P2RX3: variants seen among roughly 807,000 people sequenced by gnomAD.
P2RX3 encodes P2X purinoceptor 3.
A neutral mutation model predicts 51.5 loss-of-function variants in P2RX3; 41 were observed. That is an observed-to-expected ratio of 0.80 (90% CI 0.62 to 1.03). P2RX3 has a LOEUF of 1.03. Ranked by LOEUF, P2RX3 falls within the 50% of genes least tolerant of loss-of-function variation. P2RX3 has a pLI of 0.00. For missense variants in P2RX3, 459 were observed against 522.1 expected, an observed-to-expected ratio of 0.88 and a Z score of 1.18; for synonymous variants, 185 against 191.6, an observed-to-expected ratio of 0.97 and a Z score of 0.29.
chr11:57,347,569 C>T, intron 4 of P2RX3, 91 bp downstream of exon 4: 2 of 1,353,290 alleles, frequency 1.5e-6, no homozygotes, highest in Non-Finnish European at 2.1e-6. Flanking sequence ...TGGGAACCAG[C>T]CTGTTCCATG....
At chr11:57,343,049 C>T (rs529122460) in intron 1 of P2RX3, among the ~76,000 whole-genome samples, 23 of 152,314 alleles carry the variant, frequency 1.5e-4, no homozygotes, top group Non-Finnish European at 3.1e-4. Context: ...AGGCTCAGGC[C>T]TGCCCTAGCT....
At chr11:57,362,177 A>G (rs1351799448) in intron 8 of P2RX3, among the ~76,000 whole-genome samples, 1 of 152,232 alleles carries the variant, frequency 6.6e-6, no homozygotes, top group Non-Finnish European at 1.5e-5. Context: ...CAGCATGGGC[A>G]AAAGCATAGA....
intron 8 of P2RX3, among the ~76,000 whole-genome samples, chr11:57,357,099 A>G (rs1856642546): frequency 6.6e-6 from 1 of 152,158 alleles, no homozygotes; most frequent in Non-Finnish European, 1.5e-5. Flanking sequence ...CGGGCAGATC[A>G]CGAGTTCAGG....
Position 57,348,717 on chromosome 11 carries a change from TC to T in P2RX3, c.563+15del, listed in dbSNP as rs1856489111. Reference sequence around the variant, plus strand: ...TCAACTTTGAGAAGTGAGTCCCCACTCCTTCCCTAAAGCCAAGATGCAGGCA... The same window carrying T: ...TCAACTTTGAGAAGTGAGTCCCCACTCTTCCCTAAAGCCAAGATGCAGGCA... On this transcript the variant is annotated intron_variant, in intron 6 of 11. Coordinates refer to ENST00000263314, the MANE Select transcript of P2RX3 (RefSeq NM_002559.5). The T allele has an allele frequency of 6.2e-7, 1 of 1,606,426 alleles. No homozygotes were observed. Among genetic ancestry groups the T allele is most frequent in the Non-Finnish European group, 8.5e-7 (1 of 1,174,730 alleles).
chr11:57,356,254 G>A (rs1463158660), intron 8 of P2RX3, among the ~76,000 whole-genome samples: 2 of 152,026 alleles, frequency 1.3e-5, no homozygotes, highest in African/African-American at 4.8e-5. Context: ...ATTGCTTCCA[G>A]CATGCCTTGC....
upstream of P2RX3, among the ~76,000 whole-genome samples, chr11:57,336,495 C>G (rs999398940): frequency 3.3e-5 from 5 of 152,174 alleles, no homozygotes; most frequent in South Asian, 2.1e-4. Context: ...AGGTCTCCCC[C>G]GTATAATCCC....
chr11:57,363,403 G>C (rs997631685), intron 8 of P2RX3, among the ~76,000 whole-genome samples: 2 of 152,190 alleles, frequency 1.3e-5, no homozygotes, highest in African/African-American at 4.8e-5. Context: ...CTGTGGGCCA[G>C]TGGGGGTGGG....
At chr11:57,353,752 A>C (rs1714862074) in intron 8 of P2RX3, among the ~76,000 whole-genome samples, 1 of 151,742 alleles carries the variant, frequency 6.6e-6, no homozygotes, top group African/African-American at 2.4e-5. Flanking sequence ...GCCGTGTTTG[A>C]ATCTGCTAAC....
At chr11:57,349,987 G>A in intron 7 of P2RX3, 89 bp downstream of exon 7, 1 of 1,546,236 alleles carries the variant, frequency 6.5e-7, no homozygotes, top group Non-Finnish European at 8.7e-7. Context: ...GCACTGGCCA[G>A]GAGCCGCCGC....
At position 57,349,817 on chromosome 11, in the gene P2RX3, C is replaced by T; in HGVS notation, c.624C>T (p.Asp208=). 1 of 1,614,248 alleles carries T rather than the reference C, an allele frequency of 6.2e-7. No individual in the cohort carries two copies. Among genetic ancestry groups the T allele is most frequent in the Non-Finnish European group, 8.5e-7 (1 of 1,180,046 alleles). ...TGAAGACCTGCCGCTTCCACCCGGA[C>T]AAGGACCCTTTCTGCCCCATCTTGC... The part of the protein sequence containing the change: ...RDMKTCRFHP[D]KDPFCPILRV... Residue 208 remains aspartate (D), a synonymous_variant, in exon 7 of 12, where the codon GAC becomes GAT. Coordinates refer to ENST00000263314, the MANE Select transcript of P2RX3 (RefSeq NM_002559.5).
intron 5 of P2RX3, 146 bp downstream of exon 5, chr11:57,348,409 C>T (rs1346292451): frequency 4.9e-6 from 4 of 821,786 alleles, no homozygotes; most frequent in East Asian, 5.4e-5. Context: ...GGCCTCAGGC[C>T]CAGGGTATCA....
At chr11:57,367,010 A>G (rs1296380332) in intron 8 of P2RX3, among the ~76,000 whole-genome samples, 1 of 152,228 alleles carries the variant, frequency 6.6e-6, no homozygotes, top group Non-Finnish European at 1.5e-5. Context: ...CATTCAAACC[A>G]TAGCACTATC....
At chr11:57,367,390 T>C (rs1161626757) in intron 8 of P2RX3, among the ~76,000 whole-genome samples, 1 of 152,160 alleles carries the variant, frequency 6.6e-6, no homozygotes, top group Non-Finnish European at 1.5e-5. Context: ...GGCTCAAACT[T>C]TCTAGCACAT....
chr11:57,356,087 T>C (rs1208317980), intron 8 of P2RX3, among the ~76,000 whole-genome samples: 1 of 152,200 alleles, frequency 6.6e-6, no homozygotes, highest in East Asian at 1.9e-4. Flanking sequence ...AGAGTTAAGT[T>C]TGCAAAGCCC....
chr11:57,364,029 C>T (rs187170664), intron 8 of P2RX3, among the ~76,000 whole-genome samples: 49 of 152,328 alleles, frequency 3.2e-4, no homozygotes, highest in South Asian at 8.3e-4. Flanking sequence ...TCACTTTGAA[C>T]GGCAGTGCCC....
At chr11:57,352,321 C>A (rs931118864) in intron 8 of P2RX3, among the ~76,000 whole-genome samples, 1 of 152,218 alleles carries the variant, frequency 6.6e-6, no homozygotes, top group East Asian at 1.9e-4. Context: ...CAACTCCAAA[C>A]TTTAAAAAAA....
chr11:57,344,909 C>T (rs550836554), intron 1 of P2RX3, among the ~76,000 whole-genome samples: 2 of 152,096 alleles, frequency 1.3e-5, no homozygotes, highest in Admixed American at 6.5e-5. Context: ...ACCCCCGGTA[C>T]GTTCTGGGAG....
chr11:57,350,042 T>A, intron 7 of P2RX3, 144 bp downstream of exon 7: 1 of 1,309,860 alleles, frequency 7.6e-7, no homozygotes, highest in Non-Finnish European at 1.0e-6. Flanking sequence ...GCCACTGGCT[T>A]TGTGCCTGAA....
intron 1 of P2RX3, among the ~76,000 whole-genome samples, chr11:57,346,058 G>A (rs553554291): frequency 7.9e-5 from 12 of 152,268 alleles, no homozygotes; most frequent in East Asian, 3.9e-4. Context: ...GGGTACAGCC[G>A]TGGGCCAAGG....
Sources: gnomAD v4.1 joint callset for allele counts (sites outside exome capture counted in the v4.1 genomes callset) on GRCh38, gnomAD v4.1.1 for gene constraint, MANE v1.5 for transcripts, NCBI Gene and HGNC (gene_info 2026-07-23, HGNC 2026-07-21) for gene names.